STAT5A: variants seen among roughly 807,000 people sequenced by gnomAD.
The protein encoded by STAT5A is epididymis secretory sperm binding protein.
STAT5A carries 26 observed loss-of-function variants against 100.2 expected under a neutral mutation model. The ratio of observed to expected loss-of-function variants is 0.26; its 90% CI spans 0.19 to 0.36. The LOEUF is 0.36. STAT5A is among the 10% of genes least tolerant of loss of function. The pLI, the probability that STAT5A is intolerant of heterozygous loss-of-function variation, is 1.00. For synonymous variants in STAT5A, 330 were observed against 424.3 expected, an observed-to-expected ratio of 0.78 and a Z score of 2.73; for missense variants, 634 against 1,027.5, an observed-to-expected ratio of 0.62 and a Z score of 5.24.
chr17:42,309,927 C>T (rs1286370482), intron 18 of STAT5A, among the ~76,000 whole-genome samples: 2 of 152,160 alleles, frequency 1.3e-5, no homozygotes, highest in Non-Finnish European at 1.5e-5. Flanking sequence ...ATAGCCAGGG[C>T]TGGATGTCTG....
intron 5 of STAT5A, 102 bp from the exon 6 acceptor site, chr17:42,299,649 G>A: frequency 6.3e-7 from 1 of 1,583,594 alleles, no homozygotes; most frequent in East Asian, 2.3e-5. Context: ...TGCAGTGTCT[G>A]AGCCTGGGAG....
chr17:42,292,734 C>T (rs953939469), intron 4 of STAT5A, among the ~76,000 whole-genome samples: 22 of 151,852 alleles, frequency 1.4e-4, no homozygotes, highest in African/African-American at 4.6e-4. Context: ...TCAAGCAATT[C>T]TCTTGCCTCA....
intron 5 of STAT5A, among the ~76,000 whole-genome samples, chr17:42,299,219 G>A (rs1467988014): frequency 1.3e-5 from 2 of 152,150 alleles, no homozygotes; most frequent in African/African-American, 2.4e-5. Context: ...CAAGAAGCAC[G>A]AACCTCACAC....
At position 42,289,528 on chromosome 17, in the gene STAT5A, G is replaced by C. The variant is rs1481988515; in HGVS notation, c.117G>C (p.Glu39Asp). ...GGCACTACTTGGCCCAGTGGATTGA[G>C]AGCCAGCCATGGTAGGCACGTCCCG... ...EVRHYLAQWI[E>D]SQPWDAIDLD... The change falls in exon 2 of 19, where the codon GAG becomes GAC. Residue 39 changes from glutamate (E) to aspartate (D), a missense_variant. By Grantham distance (45) the Glu-to-Asp change is conservative. Around this residue, in one of 5 missense-constraint regions of STAT5A, gnomAD observed 207 missense variants for 256.6 expected, o/e 0.81. Transcript: ENST00000590949. 4 of 1,612,848 alleles carry C rather than the reference G, an allele frequency of 2.5e-6. No homozygotes were observed. In the South Asian group the frequency reaches 3.3e-5, roughly 13 times the overall value.
chr17:42,288,316 G>T (rs2080832645), upstream of STAT5A: 2 of 152,188 alleles, frequency 1.3e-5, no homozygotes, highest in Admixed American at 1.3e-4. The surrounding 1 kb of genome is among the most constrained non-coding windows in gnomAD (Gnocchi z 4.8). Flanking sequence ...CACGCCCGGC[G>T]CCGCCCGCCG....
At chr17:42,289,008 C>T (rs2080841514) in intron 1 of STAT5A, among the ~76,000 whole-genome samples, 1 of 152,236 alleles carries the variant, frequency 6.6e-6, no homozygotes. Context: ...GTTGGAATAT[C>T]TCCCCTTCCC....
At chr17:42,309,526 G>A (rs1442120216) in intron 18 of STAT5A, 42 bp downstream of exon 18, 7 of 1,598,342 alleles carry the variant, frequency 4.4e-6, no homozygotes, top group Non-Finnish European at 6.0e-6. Context: ...AAGAACTGGG[G>A]ACTTGGCCCC....
At position 42,309,534 on chromosome 17, in the gene STAT5A, C is replaced by T. The variant is rs1265832238; in HGVS notation, c.2222+50C>T. 3.2e-6 allele frequency: 5 copies of T among 1,586,954 alleles called. No individual in the cohort carries two copies. In the South Asian group the frequency reaches 5.6e-5, roughly 18 times the overall value. On this transcript the variant is annotated intron_variant, in intron 18 of 18. Coordinates refer to ENST00000590949, the MANE Select transcript of STAT5A (RefSeq NM_001288718.2). ...GCAGGGGAAGAACTGGGGACTTGGC[C>T]CCAGGCTGGACTCCTGGAGGGCTGG...
intron 18 of STAT5A, 144 bp downstream of exon 18, chr17:42,309,628 G>C (rs1433135796): frequency 2.6e-6 from 2 of 760,320 alleles, no homozygotes; most frequent in Non-Finnish European, 4.2e-6. Flanking sequence ...GGAAAACAGA[G>C]CATTTTGAAG....
chr17:42,301,211 G>C, intron 8 of STAT5A, 64 bp from the exon 9 acceptor site: 1 of 1,577,138 alleles, frequency 6.3e-7, no homozygotes, highest in Non-Finnish European at 8.6e-7. Flanking sequence ...CACCACAGAG[G>C]GACTGAGAGC....
chr17:42,302,967 G>A (rs1191124350), intron 9 of STAT5A, among the ~76,000 whole-genome samples: 5 of 149,924 alleles, frequency 3.3e-5, no homozygotes, highest in African/African-American at 1.2e-4. Flanking sequence ...AAAAAAAAAG[G>A]CCAGGCACAG....
At chr17:42,294,216 A>T (rs1273401750) in intron 4 of STAT5A, among the ~76,000 whole-genome samples, 1 of 146,572 alleles carries the variant, frequency 6.8e-6, no homozygotes. Context: ...ACTCTGTATA[A>T]AAAAAAAAAA....
rs1157957230 is a variant in STAT5A, at chr17:42,292,061, T to C, written c.375T>C (p.Asn125=). ...AGAGGCTGGTCCGAGAAGCCAACAATGTGAGTGTCCCTTGGGGATGGGGAG... is the reference window on the plus strand; with the variant it reads ...AGAGGCTGGTCCGAGAAGCCAACAACGTGAGTGTCCCTTGGGGATGGGGAG... The part of the protein sequence containing the change: ...NEQRLVREAN[N]CSSPAGILVD... Residue 125 remains asparagine, a splice_region_variant and synonymous_variant, in exon 4 of 19, where the codon AAT becomes AAC. Coordinates refer to ENST00000590949, the MANE Select transcript of STAT5A (RefSeq NM_001288718.2). 4 of 1,613,594 alleles carry C rather than the reference T, an allele frequency of 2.5e-6. No individual in the cohort carries two copies. The highest frequency in any genetic ancestry group is 2.2e-5 in the East Asian group (1 of 44,872).
Position 42,307,644 on chromosome 17 carries a change from C to G in STAT5A, c.1827C>G (p.Asn609Lys), listed in dbSNP as rs1325348468. 1.2e-6 allele frequency: 2 copies of G among 1,614,014 alleles called. No homozygotes were observed. Among genetic ancestry groups the G allele is most frequent in the East Asian group, 4.5e-5 (2 of 44,884 alleles). Reference protein sequence around the residue: ...NKQQAHDLLINKPDGTFLLRF... With the variant: ...NKQQAHDLLIKKPDGTFLLRF... ...AACAGGCCCACGACCTGCTCATCAACAAGCCCGACGGGACCTTCTTGTTGC... is the reference window on the plus strand; with the variant it reads ...AACAGGCCCACGACCTGCTCATCAAGAAGCCCGACGGGACCTTCTTGTTGC... The change falls in exon 15 of 19, where the codon AAC becomes AAG. Residue 609 changes from asparagine to lysine, a missense_variant. Physicochemically the swap from Asn to Lys is moderately conservative, Grantham distance 94. Transcript: ENST00000590949.
chr17:42,299,820 A>G lies in STAT5A; in HGVS notation c.620A>G (p.Lys207Arg), dbSNP rs776108843. Reference protein sequence around the residue: ...RLSRETALQQKQVSLEAWLQR... With the variant: ...RLSRETALQQRQVSLEAWLQR... ...AGCCGGGAGACGGCCCTCCAGCAGA[A>G]GCAGGTGTCTCTGGAGGCCTGGTTG... Residue 207 changes from lysine (K) to arginine (R), a missense_variant, in exon 6 of 19, where the codon AAG (lysine) becomes AGG (arginine). Around this residue, in one of 5 missense-constraint regions of STAT5A, gnomAD observed 207 missense variants for 256.6 expected, o/e 0.81. Coordinates refer to ENST00000590949, the MANE Select transcript of STAT5A (RefSeq NM_001288718.2). The G allele has an allele frequency of 2.5e-6, 4 of 1,613,396 alleles. No individual in the cohort carries two copies.
intron 6 of STAT5A, 86 bp downstream of exon 6, chr17:42,299,967 G>C (rs2144529395): frequency 6.8e-7 from 1 of 1,460,692 alleles, no homozygotes; most frequent in Non-Finnish European, 9.3e-7. Context: ...ACCAGCATGA[G>C]AGCAGAACCT....
At position 42,304,414 on chromosome 17, in the gene STAT5A, C is replaced by T. The variant is rs1018035649; in HGVS notation, c.1242C>T (p.Ala414=). Residue 414 remains alanine (A), a synonymous_variant, in exon 10 of 19, where the codon GCC becomes GCT. Transcript: ENST00000590949. The surrounding 1 kb of genome is among the most constrained non-coding windows in gnomAD (Gnocchi z 4.8). The part of the protein sequence containing the change: ...EYHQATGTLS[A]HFRNMSLKRI... ...ACCAAGCCACGGGCACCCTCAGTGC[C>T]CACTTCAGGAACATGGTGAGGACGG... 2 of 1,614,128 alleles carry T rather than the reference C, an allele frequency of 1.2e-6. No homozygotes were observed. The highest frequency in any genetic ancestry group is 1.3e-5 in the African/African-American group (1 of 74,938).
In STAT5A at chr17:42,300,742, G is replaced by T; in HGVS notation, c.861G>T (p.Trp287Cys). Residue 287 changes from tryptophan (W) to cysteine (C), a missense_variant, in exon 8 of 19, where the codon TGG (tryptophan) becomes TGT (cysteine). Trp to Cys is a radical substitution (Grantham distance 215). Coordinates refer to ENST00000590949, the MANE Select transcript of STAT5A (RefSeq NM_001288718.2). ...SWCEKLAEII[W>C]QNRQQIRRAE... Reference sequence around the variant, plus strand: ...GTGAGAAGTTGGCCGAGATCATCTGGCAGAACCGGCAGCAGATCCGCAGGG... The same window carrying T: ...GTGAGAAGTTGGCCGAGATCATCTGTCAGAACCGGCAGCAGATCCGCAGGG... 1 of 1,613,602 alleles carries T rather than the reference G, an allele frequency of 6.2e-7. No homozygotes were observed. Among genetic ancestry groups the T allele is most frequent in the Non-Finnish European group, 8.5e-7 (1 of 1,179,786 alleles).
In STAT5A at chr17:42,288,997, G is replaced by A. The variant is rs1315089575; in HGVS notation, c.-11+399G>A. Among the ~76,000 whole-genome samples, 5 of 152,244 alleles carry A rather than the reference G, an allele frequency of 3.3e-5. No individual in the cohort carries two copies. The highest frequency in any genetic ancestry group is 7.3e-5 in the Non-Finnish European group (5 of 68,040). On this transcript the variant is annotated intron_variant, in intron 1 of 18. Transcript: ENST00000590949. The surrounding 1 kb of genome is among the most constrained non-coding windows in gnomAD (Gnocchi z 4.8). Reference sequence around the variant, plus strand: ...CCGTCGTGGCGCTGGCCTAACTTCGGGTTGGAATATCTCCCCTTCCCAGAA... The same window carrying A: ...CCGTCGTGGCGCTGGCCTAACTTCGAGTTGGAATATCTCCCCTTCCCAGAA...
Sources: gnomAD v4.1 joint callset for allele counts (sites outside exome capture counted in the v4.1 genomes callset) on GRCh38, gnomAD v4.1.1 for gene constraint, gnomAD v4.1.1 regional missense constraint, Gnocchi (gnomAD v3.1) non-coding constraint, MANE v1.5 for transcripts, NCBI Gene and HGNC (gene_info 2026-07-23, HGNC 2026-07-21) for gene names.